Variants in TARP observed in about 807,000 individuals in gnomAD.
the TARP span, among the ~76,000 whole-genome samples, chr7:38,262,763 TCCC>T: frequency 7.9e-5 from 12 of 151,670 alleles, no homozygotes; most frequent in Admixed American, 6.6e-4. Flanking sequence ...CATGAGATCC[TCCC>T]ATCTCAGCCT....
chr7:38,261,269 C>T, the TARP span, among the ~76,000 whole-genome samples: 2 of 151,616 alleles, frequency 1.3e-5, no homozygotes, highest in African/African-American at 4.9e-5. Context: ...GAACAGAAAA[C>T]TTACTAAGTA....
At chr7:38,269,975 G>A in the TARP span, among the ~76,000 whole-genome samples, 11 of 151,888 alleles carry the variant, frequency 7.2e-5, no homozygotes, top group South Asian at 1.7e-3. Context: ...TGATGTGCAC[G>A]ACTGTAGGCC....
At chr7:38,268,782 A>T in the TARP span, among the ~76,000 whole-genome samples, 64 of 151,878 alleles carry the variant, frequency 4.2e-4, no homozygotes, top group African/African-American at 1.5e-3. Flanking sequence ...ATAACCTTCC[A>T]TTTGAGCAGT....
chr7:38,261,514 C>A, the TARP span, among the ~76,000 whole-genome samples: 3 of 151,180 alleles, frequency 2.0e-5, no homozygotes, highest in Admixed American at 6.6e-5. Context: ...TAGCAAAGAC[C>A]AAAGACTAAA....
At chr7:38,272,351 A>G in the TARP span, among the ~76,000 whole-genome samples, 62,475 of 148,170 alleles carry the variant, frequency 0.42, 14,069 homozygotes, top group African/African-American at 0.58. Context: ...TCCACTTTAG[A>G]TAAATAATCT....
the TARP span, chr7:38,265,270 T>G: frequency 1.9e-6 from 2 of 1,071,072 alleles, no homozygotes. Context: ...ATGTTTGTTT[T>G]TCATTAATAC....
chr7:38,273,605 T>C, the TARP span: 2 of 1,598,348 alleles, frequency 1.3e-6, no homozygotes, highest in Middle Eastern at 1.7e-4. Context: ...ATAAGCTTTG[T>C]TCCGGGACCA....
the TARP span, among the ~76,000 whole-genome samples, chr7:38,267,505 G>A: frequency 0.53 from 80,195 of 150,058 alleles, 23,605 homozygotes; most frequent in African/African-American, 0.8. Flanking sequence ...AAAGAAAACA[G>A]TCTTGATAAT....
the TARP span, among the ~76,000 whole-genome samples, chr7:38,265,124 A>C: frequency 6.6e-6 from 1 of 151,278 alleles, no homozygotes; most frequent in South Asian, 2.1e-4. Context: ...TATTTTGGAT[A>C]ATGGAGCTGA....
At chr7:38,261,153 GTC>G in the TARP span, among the ~76,000 whole-genome samples, 1 of 151,610 alleles carries the variant, frequency 6.6e-6, no homozygotes. Context: ...TGGAGTGAAA[GTC>G]CAGTCTGCAA....
chr7:38,268,682 T>C, the TARP span, among the ~76,000 whole-genome samples: 2 of 151,660 alleles, frequency 1.3e-5, no homozygotes, highest in Non-Finnish European at 2.9e-5. Flanking sequence ...AACAGACATC[T>C]TAATACAATG....
the TARP span, chr7:38,260,256 T>C: frequency 7.7e-7 from 1 of 1,293,732 alleles, no homozygotes; most frequent in Admixed American, 1.9e-5. Context: ...CATGTTCTTT[T>C]TACAGAATAA....
chr7:38,271,127 A>G, the TARP span, among the ~76,000 whole-genome samples: 14 of 151,338 alleles, frequency 9.3e-5, no homozygotes, highest in South Asian at 4.2e-4. Context: ...CTGTGCTTGT[A>G]TATTTTAATT....
At chr7:38,264,132 C>G in the TARP span, among the ~76,000 whole-genome samples, 1 of 151,824 alleles carries the variant, frequency 6.6e-6, no homozygotes, top group South Asian at 2.1e-4. Flanking sequence ...GTTTTATCTC[C>G]TTGAAAAGCA....
the TARP span, among the ~76,000 whole-genome samples, chr7:38,264,310 A>C: frequency 6.6e-6 from 1 of 151,848 alleles, no homozygotes; most frequent in Non-Finnish European, 1.5e-5. Flanking sequence ...TTTTACTTTT[A>C]GGCTGGGCAC....
the TARP span, among the ~76,000 whole-genome samples, chr7:38,266,413 C>T: frequency 6.5e-4 from 99 of 151,734 alleles, no homozygotes; most frequent in Non-Finnish European, 6.0e-4. Context: ...CTCAAGTGAT[C>T]CTCCCACCTC....
the TARP span, chr7:38,260,202 G>C: frequency 1.3e-6 from 2 of 1,595,182 alleles, no homozygotes; most frequent in Admixed American, 1.7e-5. Flanking sequence ...AATATGCAGA[G>C]GTGTTTGTGA....
chr7:38,262,557 T>A, the TARP span, among the ~76,000 whole-genome samples: 13 of 151,874 alleles, frequency 8.6e-5, no homozygotes, highest in African/African-American at 2.9e-4. Flanking sequence ...ACTTGTTCAA[T>A]GGAAAAATAA....
the TARP span, among the ~76,000 whole-genome samples, chr7:38,261,490 G>A: frequency 5.0e-4 from 76 of 151,578 alleles, no homozygotes; most frequent in Admixed American, 2.4e-3. Flanking sequence ...ACACTAGTTC[G>A]TGTTATTAGC....
Sources: allele counts gnomAD v4.1 joint callset (sites outside exome capture counted in the v4.1 genomes callset), GRCh38; gene constraint gnomAD v4.1.1; transcripts MANE v1.5.